Variants in MACROD2 observed in about 807,000 individuals in gnomAD.
MACROD2 encodes ADP-ribose glycohydrolase MACROD2.
In MACROD2, 36 loss-of-function variants were observed where a neutral mutation model predicts 70.4. The observed-to-expected ratio is 0.51, with a 90% CI of 0.39 to 0.68. MACROD2 has a LOEUF of 0.68. Ranked by LOEUF, MACROD2 falls within the 30% of genes least tolerant of loss-of-function variation. MACROD2 has a pLI of 0.00. For missense variants in MACROD2, 496 were observed against 538.4 expected, an observed-to-expected ratio of 0.92 and a Z score of 0.78; for synonymous variants, 172 against 178.8, an observed-to-expected ratio of 0.96 and a Z score of 0.30.
chr20:15,261,655 A>G (rs185168708), intron 6 of MACROD2, among the ~76,000 whole-genome samples: 1 of 152,040 alleles, frequency 6.6e-6, no homozygotes. Context: ...CTGTCTTCAG[A>G]TAGAAAAGGC....
chr20:15,242,108 C>G, intron 6 of MACROD2, among the ~76,000 whole-genome samples: 1 of 152,176 alleles, frequency 6.6e-6, no homozygotes, highest in East Asian at 1.9e-4. Flanking sequence ...TTATGAACCT[C>G]TTGGTATAAT....
chr20:14,622,292 A>T (rs1231387150), intron 4 of MACROD2, among the ~76,000 whole-genome samples: 1 of 152,096 alleles, frequency 6.6e-6, no homozygotes. Flanking sequence ...TCCGTTAAGT[A>T]GGTCAAGGGG....
chr20:14,553,408 CTTTTTTTT>C (rs34162149), intron 4 of MACROD2, among the ~76,000 whole-genome samples: 1 of 127,870 alleles, frequency 7.8e-6, no homozygotes, highest in Admixed American at 8.1e-5. Flanking sequence ...TTCTAGTTAA[CTTTTTTTT>C]TTTTTTTTTT....
At chr20:14,841,886 C>T (rs946766608) in intron 5 of MACROD2, among the ~76,000 whole-genome samples, 5 of 152,042 alleles carry the variant, frequency 3.3e-5, no homozygotes, top group Non-Finnish European at 7.4e-5. Flanking sequence ...GAGACCATGT[C>T]ATTCCCCCTT....
At position 15,444,390 on chromosome 20, in the gene MACROD2, G is replaced by C. The variant is rs139468170; in HGVS notation, c.571+12955G>C. The stretch of plus-strand genomic sequence containing the variant: ...AGCATAATTACATCGCTAAATATAC[G>C]CACTATAAATGTAAAACAGTGGTGT... On this transcript the variant is annotated intron_variant, in intron 7 of 17. Transcript: ENST00000684519. 4.1e-3 allele frequency among the ~76,000 whole-genome samples: 627 copies of C among 152,164 alleles called. 4 individuals carry two copies. Among genetic ancestry groups the C allele is most frequent in the African/African-American group, 0.014 (564 of 41,514 alleles).
intron 3 of MACROD2, among the ~76,000 whole-genome samples, chr20:14,427,070 G>C (rs1456941459): frequency 1.3e-5 from 2 of 151,912 alleles, no homozygotes; most frequent in Non-Finnish European, 2.9e-5. Flanking sequence ...GTATAAATTT[G>C]GTTGGCTCTT....
intron 16 of MACROD2, among the ~76,000 whole-genome samples, chr20:16,041,511 CT>C (rs1403231755): frequency 6.6e-6 from 1 of 151,894 alleles, no homozygotes; most frequent in Non-Finnish European, 1.5e-5. Flanking sequence ...TTAATCATAT[CT>C]TATAATACTG....
intron 8 of MACROD2, among the ~76,000 whole-genome samples, chr20:15,511,498 G>A (rs1441292372): frequency 6.6e-6 from 1 of 152,046 alleles, no homozygotes; most frequent in African/African-American, 2.4e-5. Context: ...GACAAAACTG[G>A]GTTTCCTGGA....
In MACROD2 at chr20:13,995,835, G is replaced by A; in HGVS notation, c.46+26G>A. ...GTAACCGGCCCGTCGAGTCCTGGGG[G>A]TGCGGGCGGTGGGGGTTAGGGTGGG... On this transcript the variant is annotated intron_variant, in intron 1 of 17. Transcript: ENST00000684519. The surrounding 1 kb of genome is among the most constrained non-coding windows in gnomAD (Gnocchi z 4.3). The A allele has an allele frequency of 6.4e-7, 1 of 1,554,592 alleles. No individual in the cohort carries two copies. Among genetic ancestry groups the A allele is most frequent in the Non-Finnish European group, 8.7e-7 (1 of 1,148,134 alleles).
intron 3 of MACROD2, among the ~76,000 whole-genome samples, chr20:14,293,400 G>T (rs1019378200): frequency 2.0e-5 from 3 of 151,782 alleles, no homozygotes; most frequent in Non-Finnish European, 4.4e-5. Context: ...AGGGGCTGTG[G>T]GTGCCTTATA....
intron 4 of MACROD2, among the ~76,000 whole-genome samples, chr20:14,665,718 A>G (rs1264675034): frequency 6.6e-6 from 1 of 151,982 alleles, no homozygotes; most frequent in Non-Finnish European, 1.5e-5. Context: ...ACCTATCTTT[A>G]CTAGCATAAT....
intron 8 of MACROD2, among the ~76,000 whole-genome samples, chr20:15,616,477 G>T (rs1023377734): frequency 3.3e-5 from 5 of 152,104 alleles, no homozygotes; most frequent in East Asian, 1.9e-4. Flanking sequence ...TTACATTTGG[G>T]CTGAAACCTA....
At chr20:15,812,846 A>AT (rs2063834796) in intron 8 of MACROD2, among the ~76,000 whole-genome samples, 1 of 152,136 alleles carries the variant, frequency 6.6e-6, no homozygotes, top group Non-Finnish European at 1.5e-5. Context: ...CTAGAGCCAC[A>AT]TTTTTTACAA....
Position 15,513,353 on chromosome 20 carries a change from G to A in MACROD2, c.645+13506G>A, listed in dbSNP as rs1050418176. On this transcript the variant is annotated intron_variant, in intron 8 of 17. Coordinates refer to ENST00000684519, the MANE Select transcript of MACROD2 (RefSeq NM_001351661.2). The stretch of plus-strand genomic sequence containing the variant: ...TGATGATAAATGTATTCTCTGAAAT[G>A]TATTATTAGACTTGTTAAATGTGTA... Among the ~76,000 whole-genome samples, 7 of 152,200 alleles carry A rather than the reference G, an allele frequency of 4.6e-5. No homozygotes were observed. The East Asian group carries it at 1.3e-3, about 29-fold the overall frequency.
At chr20:14,941,393 A>G (rs929589958) in intron 5 of MACROD2, among the ~76,000 whole-genome samples, 4 of 152,000 alleles carry the variant, frequency 2.6e-5, no homozygotes, top group African/African-American at 9.7e-5. Context: ...GTGGCTTGAA[A>G]CAGGGACAGG....
intron 3 of MACROD2, among the ~76,000 whole-genome samples, chr20:14,415,510 T>A (rs1240905902): frequency 6.6e-6 from 1 of 152,202 alleles, no homozygotes; most frequent in Admixed American, 6.5e-5. Context: ...TCCCCTGATT[T>A]TCACTTGGAA....
chr20:15,504,206 T>C (rs1476910260), intron 8 of MACROD2, among the ~76,000 whole-genome samples: 7 of 152,134 alleles, frequency 4.6e-5, no homozygotes, highest in Non-Finnish European at 1.0e-4. Context: ...CATATTCTGT[T>C]GCCCACCATC....
intron 3 of MACROD2, among the ~76,000 whole-genome samples, chr20:14,258,482 T>C (rs1435363209): frequency 5.3e-5 from 8 of 152,204 alleles, no homozygotes; most frequent in South Asian, 2.1e-4. Context: ...GCTGAGCATA[T>C]TTTCATATGT....
At chr20:15,499,942 T>C (rs878914428) in intron 8 of MACROD2, 95 bp downstream of exon 8, 2 of 1,185,700 alleles carry the variant, frequency 1.7e-6, no homozygotes, top group Admixed American at 3.7e-5. Context: ...AAATATCAAC[T>C]ACACCTAGTC....
Sources: gnomAD v4.1 joint callset for allele counts (sites outside exome capture counted in the v4.1 genomes callset) on GRCh38, gnomAD v4.1.1 for gene constraint, Gnocchi (gnomAD v3.1) non-coding constraint, MANE v1.5 for transcripts, NCBI Gene and HGNC (gene_info 2026-07-23, HGNC 2026-07-21) for gene names.